The following DPP10 variants were observed in gnomAD, a reference collection of about 807,000 sequenced individuals.
DPP10 encodes the protein inactive dipeptidyl peptidase 10.
In DPP10, 33 loss-of-function variants were observed where a neutral mutation model predicts 120.9. That is an observed-to-expected ratio of 0.27 (90% CI 0.21 to 0.37). The LOEUF (loss-of-function observed/expected upper bound fraction) is 0.37, where lower values mean the gene tolerates loss of function less well. Ranked by LOEUF, DPP10 falls within the 10% of genes least tolerant of loss-of-function variation. The pLI is 1.00. For synonymous variants in DPP10, 337 were observed against 326.1 expected, an observed-to-expected ratio of 1.03 and a Z score of -0.36; for missense variants, 816 against 942.8, an observed-to-expected ratio of 0.87 and a Z score of 1.76.
intron 1 of DPP10, among the ~76,000 whole-genome samples, chr2:114,984,252 T>C (rs1347334132): frequency 6.6e-6 from 1 of 152,206 alleles, no homozygotes; most frequent in African/African-American, 2.4e-5. Context: ...TAGAAAATGA[T>C]ACATTTTTTC....
At chr2:115,053,256 T>A (rs1319948034) in intron 1 of DPP10, among the ~76,000 whole-genome samples, 1 of 152,190 alleles carries the variant, frequency 6.6e-6, no homozygotes, top group Non-Finnish European at 1.5e-5. Flanking sequence ...ATATGTGGTA[T>A]GTTCATGTAA....
At chr2:115,426,835 C>G (rs2070516730) in intron 3 of DPP10, among the ~76,000 whole-genome samples, 1 of 152,198 alleles carries the variant, frequency 6.6e-6, no homozygotes, top group Non-Finnish European at 1.5e-5. Flanking sequence ...AAAGTCTTAA[C>G]TCACTCAAGA....
chr2:115,457,233 A>G (rs1456123623), intron 3 of DPP10, among the ~76,000 whole-genome samples: 1 of 152,136 alleles, frequency 6.6e-6, no homozygotes, highest in Non-Finnish European at 1.5e-5. Context: ...AAATGAATTT[A>G]GACCCTGATA....
chr2:115,711,005 T>C (rs1293271547), intron 7 of DPP10, among the ~76,000 whole-genome samples: 1 of 152,104 alleles, frequency 6.6e-6, no homozygotes, highest in Non-Finnish European at 1.5e-5. Context: ...GAGAATTCAG[T>C]TGGAAAAAAA....
intron 1 of DPP10, among the ~76,000 whole-genome samples, chr2:114,962,099 T>C (rs911583502): frequency 1.3e-5 from 2 of 152,222 alleles, no homozygotes; most frequent in African/African-American, 2.4e-5. Flanking sequence ...TGAGGGCTCA[T>C]TATGTGCTAT....
intron 1 of DPP10, among the ~76,000 whole-genome samples, chr2:115,249,427 A>G (rs2058665223): frequency 6.6e-6 from 1 of 152,146 alleles, no homozygotes; most frequent in Non-Finnish European, 1.5e-5. Flanking sequence ...GGTAGAAGAC[A>G]CAAGCAATGA....
intron 1 of DPP10, among the ~76,000 whole-genome samples, chr2:115,274,605 C>A (rs1298594350): frequency 6.6e-6 from 1 of 152,142 alleles, no homozygotes; most frequent in African/African-American, 2.4e-5. Context: ...TGACAACTAT[C>A]CATCAGGGAA....
chr2:115,039,254 T>G (rs550730311), intron 1 of DPP10, among the ~76,000 whole-genome samples: 7 of 152,230 alleles, frequency 4.6e-5, no homozygotes, highest in Non-Finnish European at 1.0e-4. Context: ...AAGAGAATGA[T>G]ATGTCCTGCT....
chr2:115,069,221 C>T (rs1707171534), intron 1 of DPP10, among the ~76,000 whole-genome samples: 1 of 151,832 alleles, frequency 6.6e-6, no homozygotes. Context: ...TTTCTTTCAT[C>T]AATATTTTAA....
intron 1 of DPP10, among the ~76,000 whole-genome samples, chr2:114,714,117 G>A (rs549489482): frequency 2.1e-4 from 32 of 151,758 alleles, no homozygotes; most frequent in Non-Finnish European, 3.5e-4. Context: ...TTGCGCGTGC[G>A]TGCGCTCATG....
intron 5 of DPP10, among the ~76,000 whole-genome samples, chr2:115,578,205 A>G (rs759480458): frequency 6.6e-6 from 1 of 152,172 alleles, no homozygotes; most frequent in Admixed American, 6.5e-5. Context: ...CACCTTTGAC[A>G]TGAAATACTC....
At chr2:114,804,268 T>C (rs977767832) in intron 1 of DPP10, among the ~76,000 whole-genome samples, 2 of 152,192 alleles carry the variant, frequency 1.3e-5, no homozygotes, top group Admixed American at 1.3e-4. Flanking sequence ...GATAAAAGTT[T>C]ATTGGAGGGG....
At chr2:115,803,761 C>T (rs1278137137) in intron 19 of DPP10, among the ~76,000 whole-genome samples, 1 of 152,186 alleles carries the variant, frequency 6.6e-6, no homozygotes, top group Admixed American at 6.5e-5. Flanking sequence ...TATTGGCCCC[C>T]ACTATCTTCT....
intron 3 of DPP10, among the ~76,000 whole-genome samples, chr2:115,461,963 T>A (rs1305663572): frequency 2.0e-5 from 3 of 152,210 alleles, no homozygotes; most frequent in Non-Finnish European, 4.4e-5. Context: ...ACCTTTGGAA[T>A]GTCTTTTATT....
intron 5 of DPP10, among the ~76,000 whole-genome samples, chr2:115,678,028 C>G (rs1022110796): frequency 3.9e-5 from 6 of 152,252 alleles, no homozygotes; most frequent in Admixed American, 3.9e-4. Flanking sequence ...AAAAACAAGT[C>G]TCAATATATT....
chr2:114,464,301 G>A (rs550044573), intron 1 of DPP10, among the ~76,000 whole-genome samples: 15 of 152,238 alleles, frequency 9.9e-5, no homozygotes, highest in African/African-American at 2.4e-4. Context: ...TAATAGGCAC[G>A]TAATGGTATC....
intron 9 of DPP10, among the ~76,000 whole-genome samples, chr2:115,744,090 A>C (rs1043075776): frequency 1.3e-5 from 2 of 150,664 alleles, no homozygotes. Context: ...CACACTCACT[A>C]TCTGGGAATT....
At chr2:114,984,156 T>G (rs1374967358) in intron 1 of DPP10, among the ~76,000 whole-genome samples, 1 of 152,242 alleles carries the variant, frequency 6.6e-6, no homozygotes, top group African/African-American at 2.4e-5. Flanking sequence ...CCAACATATT[T>G]GACATGATTC....
At chr2:115,747,689 G>T (rs1403161999) in intron 10 of DPP10, among the ~76,000 whole-genome samples, 1 of 150,074 alleles carries the variant, frequency 6.7e-6, no homozygotes, top group Non-Finnish European at 1.5e-5. Flanking sequence ...CGCCTCCCAG[G>T]TTCACGCCAT....
Sources: allele counts gnomAD v4.1 joint callset (sites outside exome capture counted in the v4.1 genomes callset), GRCh38; gene constraint gnomAD v4.1.1; transcripts MANE v1.5; gene names NCBI Gene and HGNC (gene_info 2026-07-23, HGNC 2026-07-21).